The following EYS variants were observed in gnomAD, a reference collection of about 807,000 sequenced individuals.
The protein encoded by EYS is EGF-like photoreceptor maintenance factor.
A neutral mutation model predicts 282.1 loss-of-function variants in EYS; 250 were observed. The ratio of observed to expected loss-of-function variants is 0.89; its 90% CI spans 0.80 to 0.98. EYS has a LOEUF of 0.98. EYS is among the 50% of genes least tolerant of loss of function. The pLI is 0.00. For missense variants in EYS, 4,016 were observed against 3,709.0 expected, an observed-to-expected ratio of 1.08 and a Z score of -2.15; for synonymous variants, 1,355 against 1,282.9, an observed-to-expected ratio of 1.06 and a Z score of -1.20.
At chr6:64,837,803 T>A (rs1010064397) in intron 19 of EYS, among the ~76,000 whole-genome samples, 1 of 150,982 alleles carries the variant, frequency 6.6e-6, no homozygotes, top group African/African-American at 2.4e-5. Flanking sequence ...CATTTCTATA[T>A]GCTAATAGCA....
intron 2 of EYS, among the ~76,000 whole-genome samples, chr6:65,567,401 T>C (rs1764310868): frequency 6.6e-6 from 1 of 151,242 alleles, no homozygotes; most frequent in Non-Finnish European, 1.5e-5. Context: ...AAAAGAGAAG[T>C]AAAAATTTTA....
chr6:64,342,887 A>G (rs1204968473), intron 29 of EYS, among the ~76,000 whole-genome samples: 3 of 152,168 alleles, frequency 2.0e-5, no homozygotes, highest in Non-Finnish European at 4.4e-5. Context: ...GAAAACAAAA[A>G]AAGGCAGGGG....
intron 35 of EYS, among the ~76,000 whole-genome samples, chr6:63,910,757 CT>C (rs550107958): frequency 1.3e-5 from 2 of 151,710 alleles, no homozygotes; most frequent in South Asian, 2.1e-4. Context: ...TCAAGTGTAC[CT>C]TTTTTTTCCT....
chr6:65,275,886 T>G (rs1043388827), intron 12 of EYS, among the ~76,000 whole-genome samples: 2 of 152,170 alleles, frequency 1.3e-5, no homozygotes, highest in African/African-American at 2.4e-5. Context: ...TGATTTGCCT[T>G]CTGTGCATGC....
chr6:63,747,485 A>G (rs1769238943), intron 41 of EYS, among the ~76,000 whole-genome samples: 1 of 152,186 alleles, frequency 6.6e-6, no homozygotes, highest in South Asian at 2.1e-4. Context: ...AGCTAAGTTC[A>G]AGTCCTGAAT....
chr6:64,632,524 C>T (rs184360872), intron 22 of EYS, among the ~76,000 whole-genome samples: 2 of 151,498 alleles, frequency 1.3e-5, no homozygotes, highest in Non-Finnish European at 3.0e-5. Context: ...AACCATAAAC[C>T]AAACCAAACC....
intron 2 of EYS, among the ~76,000 whole-genome samples, chr6:65,524,814 T>C (rs1767495785): frequency 6.6e-6 from 1 of 152,238 alleles, no homozygotes; most frequent in Non-Finnish European, 1.5e-5. Flanking sequence ...GTATCTAATA[T>C]AGCAAGAACA....
chr6:63,872,050 G>C (rs1772819856), intron 35 of EYS, among the ~76,000 whole-genome samples: 1 of 152,080 alleles, frequency 6.6e-6, no homozygotes. Context: ...TGGCTTTCTA[G>C]TAAGTTTTCC....
chr6:65,419,670 A>T (rs1007914550), intron 5 of EYS, among the ~76,000 whole-genome samples: 16 of 151,986 alleles, frequency 1.1e-4, no homozygotes, highest in Non-Finnish European at 2.2e-4. Context: ...ACCTCAATAT[A>T]TCCAAAATAA....
chr6:63,835,160 C>T (rs1021708031), intron 36 of EYS, among the ~76,000 whole-genome samples: 32 of 151,054 alleles, frequency 2.1e-4, no homozygotes, highest in African/African-American at 7.6e-4. Context: ...ATGTAACAAA[C>T]CTGCACATTG....
At chr6:64,007,110 T>G (rs1768385799) in intron 33 of EYS, among the ~76,000 whole-genome samples, 1 of 152,200 alleles carries the variant, frequency 6.6e-6, no homozygotes, top group Non-Finnish European at 1.5e-5. Context: ...AATTTGTCTG[T>G]GAATCTATTT....
intron 14 of EYS, among the ~76,000 whole-genome samples, chr6:64,972,580 A>C (rs1259844277): frequency 6.6e-6 from 1 of 152,102 alleles, no homozygotes; most frequent in Non-Finnish European, 1.5e-5. Context: ...ATTCTCCTTA[A>C]TGAATAGTAG....
chr6:65,129,137 C>A (rs921272063), intron 12 of EYS, among the ~76,000 whole-genome samples: 1 of 151,944 alleles, frequency 6.6e-6, no homozygotes, highest in Non-Finnish European at 1.5e-5. Flanking sequence ...GTTGGACCCC[C>A]TATCTATCAC....
intron 33 of EYS, among the ~76,000 whole-genome samples, chr6:64,057,585 T>C (rs1284112928): frequency 6.6e-6 from 1 of 152,168 alleles, no homozygotes; most frequent in Non-Finnish European, 1.5e-5. Context: ...AGAGCTACTA[T>C]CCAAAGAGAG....
chr6:64,746,121 T>C (rs1772548296), intron 22 of EYS, among the ~76,000 whole-genome samples: 1 of 152,064 alleles, frequency 6.6e-6, no homozygotes, highest in Admixed American at 6.6e-5. Flanking sequence ...GAAATAAAAG[T>C]TGAATATTGT....
At chr6:64,115,251 G>A (rs563502293) in intron 31 of EYS, among the ~76,000 whole-genome samples, 19 of 152,064 alleles carry the variant, frequency 1.2e-4, no homozygotes, top group Non-Finnish European at 1.8e-4. Context: ...GCTGCAGTTC[G>A]GGGGTGGGGT....
At chr6:64,401,711 T>A (rs888921831) in intron 28 of EYS, among the ~76,000 whole-genome samples, 13 of 152,082 alleles carry the variant, frequency 8.5e-5, no homozygotes, top group Non-Finnish European at 1.5e-4. Context: ...TTTAAAGGGA[T>A]TTAAATAGAT....
chr6:65,000,641 G>T (rs35445061), intron 13 of EYS, among the ~76,000 whole-genome samples: 3 of 151,996 alleles, frequency 2.0e-5, no homozygotes, highest in African/African-American at 7.3e-5. Flanking sequence ...AGCCGGGCTT[G>T]GTGGCACATG....
intron 31 of EYS, among the ~76,000 whole-genome samples, chr6:64,200,475 T>G (rs1582418610): frequency 6.6e-6 from 1 of 152,230 alleles, no homozygotes; most frequent in South Asian, 2.1e-4. Flanking sequence ...TAAAAAATTT[T>G]TATAAAGTAA....
Sources: allele counts gnomAD v4.1 joint callset (sites outside exome capture counted in the v4.1 genomes callset), GRCh38; gene constraint gnomAD v4.1.1; transcripts MANE v1.5; gene names NCBI Gene and HGNC (gene_info 2026-07-23, HGNC 2026-07-21).